RAD50: variants seen among roughly 807,000 people sequenced by gnomAD.
The protein encoded by RAD50 is DNA repair protein RAD50.
In RAD50, 132 loss-of-function variants were observed where a neutral mutation model predicts 168.8. The ratio of observed to expected loss-of-function variants is 0.78; its 90% CI spans 0.68 to 0.90. RAD50 has a LOEUF of 0.90. Ranked by LOEUF, RAD50 falls within the 40% of genes least tolerant of loss-of-function variation. The pLI is 0.00. For synonymous variants in RAD50, 525 were observed against 497.4 expected (o/e 1.06, Z -0.74); for missense variants, 1,347 against 1,534.4 (o/e 0.88, Z 2.04).
intron 2 of RAD50, among the ~76,000 whole-genome samples, chr5:132,570,180 G>A (rs999178739): frequency 2.0e-5 from 3 of 152,172 alleles, no homozygotes; most frequent in Non-Finnish European, 2.9e-5. Flanking sequence ...GCTGAGTGAG[G>A]AAGGCATCCA....
intron 23 of RAD50, 85 bp downstream of exon 23, chr5:132,638,308 G>T: frequency 6.7e-7 from 1 of 1,490,930 alleles, no homozygotes; most frequent in Non-Finnish European, 9.3e-7. Flanking sequence ...AAGCACCCAA[G>T]GCTACACCTG....
chr5:132,630,910 A>G (rs925446093), intron 21 of RAD50: 1 of 152,160 alleles, frequency 6.6e-6, no homozygotes, highest in African/African-American at 2.4e-5. Context: ...AAACAGAACA[A>G]CAAAATAAGG....
intron 1 of RAD50, among the ~76,000 whole-genome samples, chr5:132,558,322 C>T (rs1250036392): frequency 6.6e-6 from 1 of 152,206 alleles, no homozygotes; most frequent in Non-Finnish European, 1.5e-5. Flanking sequence ...TGCCTCAATA[C>T]AGCTTTTTCG....
intron 1 of RAD50, 104 bp downstream of exon 1, chr5:132,557,557 T>TC: frequency 6.6e-7 from 1 of 1,515,572 alleles, no homozygotes; most frequent in South Asian, 1.1e-5. Context: ...TCCCTAGGGC[T>TC]CCACAGGTGT....
chr5:132,608,184 G>T (rs538862246), intron 16 of RAD50, among the ~76,000 whole-genome samples: 1 of 152,304 alleles, frequency 6.6e-6, no homozygotes, highest in Non-Finnish European at 1.5e-5. Flanking sequence ...TGGACTGAAT[G>T]AGCTTTCCTA....
In RAD50 at chr5:132,600,022, A is replaced by T. The variant is rs181801605; in HGVS notation, c.2208-3278A>T. 2.6e-5 allele frequency: 4 copies of T among 152,326 alleles called. No homozygotes were observed. The East Asian group carries it at 7.7e-4, about 29-fold the overall frequency. The allele number at this position is 152,326 out of a possible 1,614,324, so 9.4% of individuals were successfully genotyped here. A position where few individuals can be genotyped will look rare whatever the true frequency, so the allele number is the denominator to read the frequency against. On this transcript the variant is annotated intron_variant, in intron 13 of 24. Coordinates refer to ENST00000378823, the MANE Select transcript of RAD50 (RefSeq NM_005732.4). ...TGGTGAAGAGGGGTAAAGTAACAAG[A>T]TTAAATTTATCTGTGCACCATTTGC...
At position 132,628,999 on chromosome 5, in the gene RAD50, C is replaced by T. The variant is rs75376211; in HGVS notation, c.3390-8116C>T. On this transcript the variant is annotated intron_variant, in intron 21 of 24. Transcript: ENST00000378823. Reference sequence around the variant, plus strand: ...CAGGTTGGTTTTGTTTTCAATTTTACTTGTAAGTATTTTGCTGCAAGGTCA... The same window carrying T: ...CAGGTTGGTTTTGTTTTCAATTTTATTTGTAAGTATTTTGCTGCAAGGTCA... 5.5e-3 allele frequency among the ~76,000 whole-genome samples: 839 copies of T among 152,236 alleles called. 9 individuals are homozygous for T. Among genetic ancestry groups the T allele is most frequent in the African/African-American group, 0.019 (791 of 41,556 alleles).
chr5:132,594,728 C>A, intron 11 of RAD50, 141 bp from the exon 12 acceptor site: 1 of 819,876 alleles, frequency 1.2e-6, no homozygotes, highest in South Asian at 1.6e-5. Flanking sequence ...ACTAGTCCCT[C>A]AACTTCTGAA....
intron 13 of RAD50, among the ~76,000 whole-genome samples, chr5:132,601,022 A>T (rs967959972): frequency 6.6e-6 from 1 of 151,932 alleles, no homozygotes; most frequent in Non-Finnish European, 1.5e-5. Flanking sequence ...TCATAAATTT[A>T]AAAAAAAGAA....
intron 5 of RAD50, among the ~76,000 whole-genome samples, chr5:132,585,873 T>C (rs888371518): frequency 1.3e-5 from 2 of 152,100 alleles, no homozygotes; most frequent in African/African-American, 4.8e-5. Context: ...GGATTACAGG[T>C]GTGAGCTACA....
At chr5:132,626,204 G>A (rs1016955937) in intron 21 of RAD50, among the ~76,000 whole-genome samples, 1 of 152,138 alleles carries the variant, frequency 6.6e-6, no homozygotes, top group African/African-American at 2.4e-5. Flanking sequence ...TCTGTTGATG[G>A]ACACTTAGGT....
intron 16 of RAD50, 133 bp from the exon 17 acceptor site, chr5:132,608,482 C>T: frequency 1.5e-6 from 1 of 679,624 alleles, no homozygotes; most frequent in Non-Finnish European, 2.4e-6. Context: ...CTCATAGGGT[C>T]ATTGAAAGGA....
intron 2 of RAD50, among the ~76,000 whole-genome samples, chr5:132,563,283 G>A (rs1750152618): frequency 6.6e-6 from 1 of 152,148 alleles, no homozygotes; most frequent in Non-Finnish European, 1.5e-5. Context: ...TCTTGAGTAG[G>A]CAAAAAGAGA....
intron 5 of RAD50, among the ~76,000 whole-genome samples, chr5:132,583,352 CT>C (rs1687091539): frequency 6.6e-6 from 1 of 151,958 alleles, no homozygotes; most frequent in South Asian, 2.1e-4. Context: ...AAGTTTATAC[CT>C]TTTTTTCTTT....
chr5:132,605,893 G>A (rs1229391694), intron 16 of RAD50, among the ~76,000 whole-genome samples: 4 of 152,142 alleles, frequency 2.6e-5, no homozygotes, highest in African/African-American at 7.2e-5. Flanking sequence ...GTTAAATAAC[G>A]AAATGAAGGC....
In RAD50 at chr5:132,557,198, C is replaced by G; in HGVS notation, c.-127C>G. ...GGATCTTTTGGCAGTCCTGTGGCCT[C>G]GCTCCCCGCCCGGATCCTCCTGACC... On this transcript the variant is annotated 5_prime_UTR_variant, in exon 1 of 25. Transcript: ENST00000378823. 1 of 1,343,490 alleles carries G rather than the reference C, an allele frequency of 7.4e-7. No individual in the cohort carries two copies. Among genetic ancestry groups the G allele is most frequent in the East Asian group, 2.3e-5 (1 of 42,816 alleles). The allele number at this position is 1,343,490 out of a possible 1,614,324, so 83.2% of individuals were successfully genotyped here.
chr5:132,575,938 T>A lies in RAD50; in HGVS notation c.365+10T>A, dbSNP rs1203477308. The A allele has an allele frequency of 6.3e-7, 1 of 1,591,120 alleles. No homozygotes were observed. The highest frequency in any genetic ancestry group is 8.6e-7 in the Non-Finnish European group (1 of 1,163,834). On this transcript the variant is annotated intron_variant, in intron 3 of 24. Coordinates refer to ENST00000378823, the MANE Select transcript of RAD50 (RefSeq NM_005732.4). ...TCATTACTAGAACAAAGTAGGTGTT[T>A]ATATGATATTTGAATTTCTGTTCAT...
At chr5:132,566,920 C>G (rs976735253) in intron 2 of RAD50, among the ~76,000 whole-genome samples, 1 of 152,182 alleles carries the variant, frequency 6.6e-6, no homozygotes, top group East Asian at 1.9e-4. Flanking sequence ...ACTACCTTCC[C>G]TGAGCTGTCC....
At chr5:132,619,877 T>A (rs1237502212) in intron 21 of RAD50, among the ~76,000 whole-genome samples, 16 of 116,896 alleles carry the variant, frequency 1.4e-4, no homozygotes, top group Admixed American at 3.5e-4. Context: ...TAAAGATATA[T>A]ATATATATAG....
Sources: gnomAD v4.1 joint callset for allele counts (sites outside exome capture counted in the v4.1 genomes callset) on GRCh38, gnomAD v4.1.1 for gene constraint, MANE v1.5 for transcripts, NCBI Gene and HGNC (gene_info 2026-07-23, HGNC 2026-07-21) for gene names.